The following SYNE1 variants were observed in gnomAD, a reference collection of about 807,000 sequenced individuals.
SYNE1 encodes nesprin-1.
In SYNE1, 616 loss-of-function variants were observed where a neutral mutation model predicts 1,111.0. The ratio of observed to expected loss-of-function variants is 0.55; its 90% CI spans 0.52 to 0.59. The LOEUF (loss-of-function observed/expected upper bound fraction) is 0.59, where lower values mean the gene tolerates loss of function less well. Among genes scored for constraint, SYNE1 ranks in the 20% least tolerant of loss-of-function variants. SYNE1 has a pLI of 0.00. For missense variants in SYNE1, 10,006 were observed against 10,417.0 expected (o/e 0.96, Z 1.72); for synonymous variants, 3,855 against 3,825.8 (o/e 1.01, Z -0.28).
intron 21 of SYNE1, among the ~76,000 whole-genome samples, chr6:152,460,147 C>T (rs2098722596): frequency 6.6e-6 from 1 of 152,158 alleles, no homozygotes; most frequent in South Asian, 2.1e-4. Flanking sequence ...TTGTCCTGAA[C>T]ACCTAAGCAT....
chr6:152,537,686 C>A (rs1176470944), intron 4 of SYNE1, among the ~76,000 whole-genome samples: 1 of 152,044 alleles, frequency 6.6e-6, no homozygotes, highest in African/African-American at 2.4e-5. Flanking sequence ...TTAAAAAGTG[C>A]CCCTAGATAT....
chr6:152,463,866 A>T (rs1023095977), intron 18 of SYNE1, among the ~76,000 whole-genome samples: 1 of 152,228 alleles, frequency 6.6e-6, no homozygotes, highest in African/African-American at 2.4e-5. Context: ...TGCCAGAGTC[A>T]TATAAAAGGC....
rs140771563 is a variant in SYNE1 at position 152,155,634 on chromosome 6, C to T, written c.23978+276G>A. 4.8e-3 allele frequency among the ~76,000 whole-genome samples: 725 copies of T among 152,252 alleles called. 7 individuals are homozygous for T. Among genetic ancestry groups the T allele is most frequent in the African/African-American group, 0.017 (702 of 41,560 alleles). On this transcript the variant is annotated intron_variant, in intron 132 of 145. Coordinates refer to ENST00000367255, the MANE Select transcript of SYNE1 (RefSeq NM_182961.4). ...GTTACTGTTCTCACAGCCACACATT[C>T]TGTAATGTTATGCTTGTTTGACAAG...
At chr6:152,230,191 C>T (rs1459097350) in intron 115 of SYNE1, among the ~76,000 whole-genome samples, 1 of 152,092 alleles carries the variant, frequency 6.6e-6, no homozygotes, top group Non-Finnish European at 1.5e-5. Context: ...AGCACCACCA[C>T]GTCTGGCTGA....
At chr6:152,348,915 G>A (rs2154029031) in intron 72 of SYNE1, among the ~76,000 whole-genome samples, 1 of 152,232 alleles carries the variant, frequency 6.6e-6, no homozygotes, top group South Asian at 2.1e-4. Context: ...CAGTTGAAAA[G>A]AACCACTCTG....
Position 152,255,105 on chromosome 6 carries a change from G to T in SYNE1, c.19261-16C>A. The T allele has an allele frequency of 1.9e-6, 3 of 1,571,280 alleles. No individual in the cohort carries two copies. The highest frequency in any genetic ancestry group is 2.3e-5 in the East Asian group (1 of 43,364). ...TGGCAAGAATCTAGAGGTGATAAAA[G>T]GGCATTTTTCAGTGTTTAGATACAT... On this transcript the variant is annotated splice_polypyrimidine_tract_variant and intron_variant, in intron 103 of 145. Transcript: ENST00000367255.
At chr6:152,411,570 GAC>G in intron 42 of SYNE1, among the ~76,000 whole-genome samples, 1 of 152,164 alleles carries the variant, frequency 6.6e-6, no homozygotes, top group Non-Finnish European at 1.5e-5. Context: ...TATTTAAAAA[GAC>G]ATACAGATTG....
intron 20 of SYNE1, 108 bp from the exon 21 acceptor site, chr6:152,461,848 A>G: frequency 7.0e-7 from 1 of 1,426,900 alleles, no homozygotes; most frequent in Non-Finnish European, 9.8e-7. Flanking sequence ...ATAAAATCCA[A>G]TACTTACACT....
chr6:152,322,057 A>G (rs1301578200), intron 82 of SYNE1, among the ~76,000 whole-genome samples, 171 bp from the exon 83 acceptor site: 1 of 152,254 alleles, frequency 6.6e-6, no homozygotes, highest in African/African-American at 2.4e-5. Flanking sequence ...TATAAATGTC[A>G]TATAAAGTAA....
At chr6:152,225,111 TCCC>T (rs1436144043) in intron 116 of SYNE1, among the ~76,000 whole-genome samples, 3 of 151,756 alleles carry the variant, frequency 2.0e-5, no homozygotes, top group Non-Finnish European at 4.4e-5. Flanking sequence ...ATGATCATTA[TCCC>T]CATTTTATAG....
chr6:152,401,321 C>T lies in SYNE1; in HGVS notation c.6846G>A (p.Met2282Ile). The T allele has an allele frequency of 6.2e-7, 1 of 1,613,816 alleles. No individual in the cohort carries two copies. Among genetic ancestry groups the T allele is most frequent in the Non-Finnish European group, 8.5e-7 (1 of 1,179,990 alleles). The change falls in exon 47 of 146, where the codon ATG becomes ATA. Residue 2282 changes from methionine (M) to isoleucine (I), a missense_variant. By Grantham distance (10) the Met-to-Ile change is conservative. Coordinates refer to ENST00000367255, the MANE Select transcript of SYNE1 (RefSeq NM_182961.4). ...TTTCTTTGGCATGCTCCAGTTTCTG[C>T]ATTAAGTCTGCTTCTATAAACTAAA... ...PDLQFIEADL[M>I]QKLEHAKEIT...
In SYNE1 at chr6:152,352,275, A is replaced by C. The variant is rs1590858892; in HGVS notation, c.11332T>G (p.Leu3778Val). The C allele has an allele frequency of 1.9e-6, 3 of 1,614,040 alleles. No individual in the cohort carries two copies. The highest frequency in any genetic ancestry group is 2.2e-5 in the East Asian group (1 of 44,872). ...REKGERAVKY[L>V]EEGEAERLRK... ...AACCTCTCTGCCTCGCCTTCCTCCA[A>C]GTATTTAACAGCCCTCTCTCCTTTC... The change falls in exon 70 of 146, where the codon TTG (leucine) becomes GTG (valine). Residue 3778 changes from leucine to valine, a missense_variant. Physicochemically the swap from Leu to Val is conservative, Grantham distance 32. Around this residue, in one of 7 missense-constraint regions of SYNE1, gnomAD observed 4,955 missense variants for 5,017.2 expected, o/e 0.99. Coordinates refer to ENST00000367255, the MANE Select transcript of SYNE1 (RefSeq NM_182961.4).
At chr6:152,199,644 TATAA>T (rs1209177518) in intron 127 of SYNE1, among the ~76,000 whole-genome samples, 1 of 152,244 alleles carries the variant, frequency 6.6e-6, no homozygotes, top group Non-Finnish European at 1.5e-5. Flanking sequence ...TAGTTTTGTG[TATAA>T]ATAGAGTATT....
chr6:152,519,001 G>C (rs2695264), intron 6 of SYNE1, among the ~76,000 whole-genome samples: 29,528 of 150,472 alleles, frequency 0.2, 3,100 homozygotes, highest in Middle Eastern at 0.32. Context: ...GTGGGGGGAG[G>C]GGGGAGGGAT....
At chr6:152,352,467 A>G (rs1037676612) in intron 69 of SYNE1, 114 bp from the exon 70 acceptor site, 2 of 1,132,390 alleles carry the variant, frequency 1.8e-6, no homozygotes, top group Non-Finnish European at 2.5e-6. Context: ...CAGTGGCACA[A>G]TCTTGGCTCA....
intron 3 of SYNE1, among the ~76,000 whole-genome samples, chr6:152,617,774 G>A (rs79720778): frequency 0.01 from 1,568 of 152,266 alleles, 24 homozygotes; most frequent in African/African-American, 0.036. Flanking sequence ...CTCTCACTCT[G>A]GCTGGTGGTA....
At position 152,416,815 on chromosome 6, in the gene SYNE1, G is replaced by A. The variant is rs1481434570; in HGVS notation, c.5622C>T (p.Leu1874=). ...QLALSHLAEF[L]QSHASLSGIL... ...TGCCGGACAGAGAGGCATGGCTCTG[G>A]AGGAATTCTGCCAAATGGGACAGGG... Residue 1874 remains leucine (L), a synonymous_variant, in exon 41 of 146, where the codon CTC becomes CTT. Coordinates refer to ENST00000367255, the MANE Select transcript of SYNE1 (RefSeq NM_182961.4). 5 of 1,614,172 alleles carry A rather than the reference G, an allele frequency of 3.1e-6. No individual in the cohort carries two copies. The highest frequency in any genetic ancestry group is 1.7e-5 in the Admixed American group (1 of 60,024).
intron 3 of SYNE1, among the ~76,000 whole-genome samples, chr6:152,616,374 G>A (rs1727040): frequency 0.72 from 108,575 of 151,732 alleles, 38,942 homozygotes; most frequent in East Asian, 0.81. Flanking sequence ...GGAGTTCAAG[G>A]CCACCCTACA....
At chr6:152,334,361 A>C in intron 76 of SYNE1, 88 bp from the exon 77 acceptor site, 1 of 1,441,926 alleles carries the variant, frequency 6.9e-7, no homozygotes, top group Non-Finnish European at 9.5e-7. Flanking sequence ...AGACCTTTAA[A>C]CACTCTAAGT....
Sources: gnomAD v4.1 joint callset for allele counts (sites outside exome capture counted in the v4.1 genomes callset) on GRCh38, gnomAD v4.1.1 for gene constraint, gnomAD v4.1.1 regional missense constraint, MANE v1.5 for transcripts, NCBI Gene and HGNC (gene_info 2026-07-23, HGNC 2026-07-21) for gene names.